CEP104: variants seen among roughly 807,000 people sequenced by gnomAD.
CEP104 encodes the protein centrosomal protein of 104 kDa.
CEP104 carries 84 observed loss-of-function variants against 113.3 expected under a neutral mutation model. That is an observed-to-expected ratio of 0.74 (90% confidence interval 0.62 to 0.89). The LOEUF (loss-of-function observed/expected upper bound fraction) is 0.89. CEP104 is among the 40% of genes least tolerant of loss of function. The pLI is 0.00. For missense variants in CEP104, 1,053 were observed against 1,156.6 expected (o/e 0.91, Z 1.30); for synonymous variants, 378 against 421.7 (o/e 0.90, Z 1.27).
rs746115265 is a variant in CEP104 at position 3,823,127 on chromosome 1, C to G, written c.2571+47G>C. On this transcript the variant is annotated intron_variant, in intron 20 of 21. Coordinates refer to ENST00000378230, the MANE Select transcript of CEP104 (RefSeq NM_014704.4). This position sits in a 1 kb window ranked among gnomAD's most constrained non-coding sequence, Gnocchi z 4.1. ...CCACTGTCACCACCACTGCCATCCACAGGTGTGTCACCTACTTCACTGGTC... is the reference window on the plus strand; with the variant it reads ...CCACTGTCACCACCACTGCCATCCAGAGGTGTGTCACCTACTTCACTGGTC... 2 of 1,563,634 alleles carry G rather than the reference C, an allele frequency of 1.3e-6. No homozygotes were observed. The highest frequency in any genetic ancestry group is 3.3e-5 in the Admixed American group (2 of 59,976).
In CEP104 at chr1:3,819,849, C is replaced by T. The variant is rs529659194; in HGVS notation, c.2571+3325G>A. The stretch of plus-strand genomic sequence containing the variant: ...GAGTGGCAGAGTCTCCTGCTGGCCT[C>T]GAGGAAGTGAGCTGCCAGCAGAGAG... On this transcript the variant is annotated intron_variant, in intron 20 of 21. Transcript: ENST00000378230. The surrounding 1 kb of genome is among the most constrained non-coding windows in gnomAD (Gnocchi z 4.6). 3.3e-4 allele frequency among the ~76,000 whole-genome samples: 50 copies of T among 152,280 alleles called. No individual in the cohort carries two copies. The highest frequency in any genetic ancestry group is 1.2e-3 in the African/African-American group (48 of 41,546).
At position 3,857,079 on chromosome 1, in the gene CEP104, C is replaced by G. The variant is rs1451672601; in HGVS notation, c.-205G>C. 1 of 152,384 alleles carries G rather than the reference C, an allele frequency of 6.6e-6. No individual in the cohort carries two copies. Among genetic ancestry groups the G allele is most frequent in the African/African-American group, 2.4e-5 (1 of 41,454 alleles). 9.4% of individuals were successfully genotyped at this position (152,384 alleles called of 1,614,324 possible). ...GCTTCCTCAGACGGAACTCGGGGGG[C>G]GCCCCTTCCGCCGCCCCAGGCCGCC... On this transcript the variant is annotated 5_prime_UTR_variant, in exon 1 of 22. Coordinates refer to ENST00000378230, the MANE Select transcript of CEP104 (RefSeq NM_014704.4).
chr1:3,839,036 C>T lies in CEP104; in HGVS notation c.819G>A (p.Lys273=), dbSNP rs1644365654. The change falls in exon 8 of 22, where the codon AAG becomes AAA. Residue 273 remains lysine (K), a synonymous_variant. Transcript: ENST00000378230. The part of the protein sequence containing the change: ...KEDYDLAKEK[K]QQMEQYRAEV... ...CGGCACGATACTGCTCCATCTGCTG[C>T]TTCTTCTCCTTGGCGAGATCGTAGT... 6 of 1,614,014 alleles carry T rather than the reference C, an allele frequency of 3.7e-6. No homozygotes were observed. The highest frequency in any genetic ancestry group is 1.3e-5 in the African/African-American group (1 of 74,910).
intron 20 of CEP104, among the ~76,000 whole-genome samples, chr1:3,818,259 C>G (rs528147196): frequency 6.6e-6 from 1 of 152,324 alleles, no homozygotes; most frequent in African/African-American, 2.4e-5. Context: ...GAAGAGTGCT[C>G]CCAGTATCAT....
chr1:3,823,970 G>A lies in CEP104; in HGVS notation c.2365-408C>T, dbSNP rs1020578808. 6.6e-6 allele frequency among the ~76,000 whole-genome samples: 1 copy of A among 152,184 alleles called. No homozygotes were observed. The highest frequency in any genetic ancestry group is 1.5e-5 in the Non-Finnish European group (1 of 68,042). On this transcript the variant is annotated intron_variant, in intron 18 of 21. Transcript: ENST00000378230. This position sits in a 1 kb window ranked among gnomAD's most constrained non-coding sequence, Gnocchi z 4.1. ...GAAAAGAATTTTAAGAGATTCTCTC[G>A]CTACGTTGGTGTCTCTGGCAGGAAT...
chr1:3,825,247 C>T (rs907453850), intron 18 of CEP104, among the ~76,000 whole-genome samples: 2 of 152,178 alleles, frequency 1.3e-5, no homozygotes, highest in Non-Finnish European at 2.9e-5. Context: ...TGAGCATCAG[C>T]ACACCTGGCA....
intron 3 of CEP104, 179 bp from the exon 4 acceptor site, chr1:3,847,792 GA>G: frequency 1.6e-6 from 1 of 610,548 alleles, no homozygotes; most frequent in Non-Finnish European, 2.8e-6. Context: ...AAAAACCTAG[GA>G]AAAACCCCTA....
intron 15 of CEP104, among the ~76,000 whole-genome samples, chr1:3,828,358 T>TGCCTCCTTCC (rs1366898763): frequency 3.3e-5 from 5 of 152,354 alleles, no homozygotes; most frequent in African/African-American, 1.2e-4. Context: ...AGGGTCTGCC[T>TGCCTCCTTCC]GCCTCCTTCC....
chr1:3,836,953 T>C (rs1282629753), intron 9 of CEP104: 16 of 516,194 alleles, frequency 3.1e-5, no homozygotes. Context: ...CCTCAATGAC[T>C]GTTTACTGGT....
At chr1:3,830,237 A>C (rs1233776484) in intron 13 of CEP104, among the ~76,000 whole-genome samples, 1 of 151,602 alleles carries the variant, frequency 6.6e-6, no homozygotes, top group Admixed American at 6.6e-5. Context: ...GCTATAGTGC[A>C]ATTTCATCCC....
At chr1:3,855,792 A>T in intron 1 of CEP104, 1 of 567,796 alleles carries the variant, frequency 1.8e-6, no homozygotes, top group Non-Finnish European at 2.2e-6. Context: ...TGCCACTTTT[A>T]GGCTCTATAA....
At chr1:3,820,569 T>G (rs900764741) in intron 20 of CEP104, among the ~76,000 whole-genome samples, 3 of 44,862 alleles carry the variant, frequency 6.7e-5, no homozygotes, top group Non-Finnish European at 1.2e-4. Flanking sequence ...TCTTCCAAGA[T>G]GCCTGATTCT....
chr1:3,830,189 G>A (rs372303936), intron 13 of CEP104, among the ~76,000 whole-genome samples, 192 bp from the exon 14 acceptor site: 2 of 151,940 alleles, frequency 1.3e-5, no homozygotes, highest in African/African-American at 2.4e-5. Context: ...CTTTCATCAC[G>A]CTTGTTTTGG....
Position 3,848,766 on chromosome 1 carries a change from T to A in CEP104, c.129A>T (p.Pro43=), listed in dbSNP as rs1276610899. ...GWRSPRFCQF[P]QEIVLQMVER... ...CCACCATTTGAAGGACAATTTCTTG[T>A]GGAAACTGGCAAAATCTGAAAGCAA... The change falls in exon 3 of 22, where the codon CCA becomes CCT. Residue 43 remains proline, a synonymous_variant. Coordinates refer to ENST00000378230, the MANE Select transcript of CEP104 (RefSeq NM_014704.4). 2.5e-6 allele frequency: 4 copies of A among 1,607,906 alleles called. No homozygotes were observed. The highest frequency in any genetic ancestry group is 3.5e-5 in the Admixed American group (2 of 57,734).
At chr1:3,854,292 C>T (rs1644669197) in intron 1 of CEP104, among the ~76,000 whole-genome samples, 1 of 152,078 alleles carries the variant, frequency 6.6e-6, no homozygotes, top group Non-Finnish European at 1.5e-5. Flanking sequence ...AGGCCCAGCT[C>T]CAGTCATCTC....
At chr1:3,843,375 A>AC (rs1391925796) in intron 6 of CEP104, 5,910 of 435,608 alleles carry the variant, frequency 0.014, 62 homozygotes, top group East Asian at 0.056. Flanking sequence ...AAATATGTAT[A>AC]ATTTTTTTTT....
chr1:3,847,540 C>G lies in CEP104; in HGVS notation c.361G>C (p.Val121Leu). 6.2e-7 allele frequency: 1 copy of G among 1,613,032 alleles called. No individual in the cohort carries two copies. Among genetic ancestry groups the G allele is most frequent in the East Asian group, 2.2e-5 (1 of 44,888 alleles). ...RELKSVYVDA[V>L]GQFLKLIFHQ... ...AAAATCAGTTTAAGAAATTGTCCTACTGCATCCACATAAACTGATTTTAGT... is the reference window on the plus strand; with the variant it reads ...AAAATCAGTTTAAGAAATTGTCCTAGTGCATCCACATAAACTGATTTTAGT... The change falls in exon 4 of 22, where the codon GTA (valine) becomes CTA (leucine). Residue 121 changes from valine (V) to leucine (L), a missense_variant. Physicochemically the swap from Val to Leu is conservative, Grantham distance 32. Coordinates refer to ENST00000378230, the MANE Select transcript of CEP104 (RefSeq NM_014704.4).
Position 3,826,382 on chromosome 1 carries a change from T to A in CEP104, c.2243A>T (p.His748Leu). Residue 748 changes from histidine to leucine, a missense_variant, in exon 17 of 22, where the codon CAC becomes CTC. His to Leu is a moderately conservative substitution (Grantham distance 99). Coordinates refer to ENST00000378230, the MANE Select transcript of CEP104 (RefSeq NM_014704.4). ...PAEALGIPDE[H>L]YLDNLCIFCG... ...CAGCGCGACTTACTTATCTAGATAG[T>A]GCTCATCCGGGATTCCCAGAGCTTC... 1 of 1,614,028 alleles carries A rather than the reference T, an allele frequency of 6.2e-7. No homozygotes were observed.
At chr1:3,852,897 G>A (rs950472585) in intron 1 of CEP104, among the ~76,000 whole-genome samples, 5 of 117,842 alleles carry the variant, frequency 4.2e-5, no homozygotes, top group Non-Finnish European at 8.3e-5. Context: ...ATCTCTAAGC[G>A]GGCCGGCCAA....
Sources: allele counts gnomAD v4.1 joint callset (sites outside exome capture counted in the v4.1 genomes callset), GRCh38; gene constraint gnomAD v4.1.1; non-coding constraint Gnocchi (gnomAD v3.1); transcripts MANE v1.5; gene names NCBI Gene and HGNC (gene_info 2026-07-23, HGNC 2026-07-21).